Variants in SLA observed in about 807,000 individuals in gnomAD.
SLA encodes the protein src-like-adapter.
Under a neutral mutation model 30.3 loss-of-function variants are expected in SLA, and 16 were observed. That is an observed-to-expected ratio of 0.53 (90% confidence interval 0.36 to 0.80). The LOEUF (loss-of-function observed/expected upper bound fraction) is 0.80, where lower values mean the gene tolerates loss of function less well. SLA is among the 30% of genes least tolerant of loss of function. The pLI is 0.01. For synonymous variants in SLA, 143 were observed against 137.8 expected (o/e 1.04, Z -0.26); for missense variants, 310 against 345.2 (o/e 0.90, Z 0.81).
rs1554706931 is a variant in SLA, at chr8:133,042,709, T to TTTG, written c.484+2274_484+2275insCAA. Among the ~76,000 whole-genome samples the TTTG allele has an allele frequency of 3.5e-4, 49 of 138,676 alleles. 1 individual carries two copies. Among genetic ancestry groups the TTTG allele is most frequent in the African/African-American group, 1.3e-3 (46 of 35,860 alleles). 91.0% of individuals were successfully genotyped at this position (138,676 alleles called of 152,430 possible). On this transcript the variant is annotated intron_variant, in intron 7 of 8. Transcript: ENST00000338087. ...TTTTTTTTTTTTTTTTTTTTTTTTT[T>TTTG]GTGAGATGGAGTCTTGCTCTGCCAC...
intron 2 of SLA, among the ~76,000 whole-genome samples, chr8:133,065,591 G>A (rs988417525): frequency 3.3e-5 from 5 of 151,944 alleles, no homozygotes; most frequent in East Asian, 1.9e-4. Context: ...GAGGAACCCC[G>A]TCTCTACTAA....
chr8:133,102,214 G>A (rs945578469), intron 1 of SLA, among the ~76,000 whole-genome samples: 3 of 152,186 alleles, frequency 2.0e-5, no homozygotes, highest in African/African-American at 4.8e-5. Context: ...AACCACCTCA[G>A]CTGACCTGAG....
At position 133,040,124 on chromosome 8, in the gene SLA, G is replaced by A; in HGVS notation, c.491C>T (p.Ala164Val). ...GGTGAGCACACAGCACAGGCCATCA[G>A]CCACCTCTGAGGAGGGAAGCAGACA... ...EDLVNHYSEV[A>V]DGLCCVLTTP... Residue 164 changes from alanine to valine, a missense_variant, in exon 8 of 9, where the codon GCT (alanine) becomes GTT (valine). By Grantham distance (64) the Ala-to-Val change is moderately conservative. Coordinates refer to ENST00000338087, the MANE Select transcript of SLA (RefSeq NM_001045556.3). 6.3e-7 allele frequency: 1 copy of A among 1,577,890 alleles called. No homozygotes were observed. The highest frequency in any genetic ancestry group is 1.2e-5 in the South Asian group (1 of 85,838).
intron 7 of SLA, among the ~76,000 whole-genome samples, chr8:133,040,635 A>G (rs1041055138): frequency 1.3e-5 from 2 of 152,038 alleles, no homozygotes; most frequent in African/African-American, 4.8e-5. Flanking sequence ...GACTAAATAG[A>G]TCTCTAGGAA....
At chr8:133,082,801 C>T (rs1845955221) in intron 1 of SLA, among the ~76,000 whole-genome samples, 1 of 151,428 alleles carries the variant, frequency 6.6e-6, no homozygotes, top group Non-Finnish European at 1.5e-5. Context: ...TCTATGATGC[C>T]TTAATACTTT....
intron 8 of SLA, among the ~76,000 whole-genome samples, chr8:133,039,712 C>T (rs1382219024): frequency 1.3e-5 from 2 of 152,178 alleles, no homozygotes; most frequent in Non-Finnish European, 2.9e-5. Context: ...TGGTATATTT[C>T]AGCTAGAATG....
At chr8:133,083,301 A>C (rs1846025123) in intron 1 of SLA, among the ~76,000 whole-genome samples, 1 of 152,204 alleles carries the variant, frequency 6.6e-6, no homozygotes. Flanking sequence ...AACTCTTTGA[A>C]ATATCAATTG....
Position 133,102,553 on chromosome 8 carries a change from C to T in SLA, c.-319G>A, listed in dbSNP as rs1280564513. 38 of 1,551,578 alleles carry T rather than the reference C, an allele frequency of 2.4e-5. No homozygotes were observed. Among genetic ancestry groups the T allele is most frequent in the Middle Eastern group, 1.7e-4 (1 of 5,992 alleles). ...AATGACAGCAAAGTTAGCAACCTAC[C>T]GGTGGAGCATCAGGGCTGCCTGAGA... On this transcript the variant is annotated splice_region_variant and 5_prime_UTR_variant, in exon 1 of 9. Coordinates refer to ENST00000338087, the MANE Select transcript of SLA (RefSeq NM_001045556.3).
At chr8:133,092,720 C>T (rs1039602813) in intron 1 of SLA, among the ~76,000 whole-genome samples, 2 of 152,160 alleles carry the variant, frequency 1.3e-5, no homozygotes, top group Non-Finnish European at 1.5e-5. Context: ...CCCATGCTCT[C>T]TACACACCTC....
At chr8:133,098,034 A>G (rs1000264) in intron 1 of SLA, among the ~76,000 whole-genome samples, 69,866 of 151,906 alleles carry the variant, frequency 0.46, 16,312 homozygotes, top group Middle Eastern at 0.49. Context: ...CAGCCAGGGC[A>G]AAATACCTTT....
At chr8:133,082,873 G>A (rs1845967793) in intron 1 of SLA, among the ~76,000 whole-genome samples, 1 of 152,092 alleles carries the variant, frequency 6.6e-6, no homozygotes, top group South Asian at 2.1e-4. Flanking sequence ...TATGCTGATA[G>A]CAATTTGCCA....
chr8:133,063,197 T>G (rs758191938), intron 2 of SLA, among the ~76,000 whole-genome samples: 1 of 151,922 alleles, frequency 6.6e-6, no homozygotes, highest in Non-Finnish European at 1.5e-5. Context: ...CAACTGTCAT[T>G]CAACACCTAG....
intron 1 of SLA, among the ~76,000 whole-genome samples, chr8:133,075,832 A>C (rs1844780352): frequency 6.6e-6 from 1 of 152,078 alleles, no homozygotes; most frequent in Non-Finnish European, 1.5e-5. Flanking sequence ...AACGGGACAA[A>C]ATGTTAATAC....
At chr8:133,057,914 C>G (rs966977509) in intron 3 of SLA, among the ~76,000 whole-genome samples, 8 of 152,168 alleles carry the variant, frequency 5.3e-5, no homozygotes, top group Admixed American at 1.3e-4. Flanking sequence ...CTGGGTGATC[C>G]TTGTGCACGG....
Position 133,055,956 on chromosome 8 carries a change from T to C in SLA, c.61+4144A>G, listed in dbSNP as rs528579054. ...GAAGTCCTCACGCCTCCCTGTGAGG[T>C]TGATAGATTGAAACTACCTTATTTT... On this transcript the variant is annotated intron_variant, in intron 3 of 8. Transcript: ENST00000338087. 4.6e-5 allele frequency among the ~76,000 whole-genome samples: 7 copies of C among 152,086 alleles called. No individual in the cohort carries two copies. In the East Asian group the frequency reaches 1.2e-3, roughly 25 times the overall value.
chr8:133,091,771 T>C (rs116728896), intron 1 of SLA, among the ~76,000 whole-genome samples: 1,648 of 152,238 alleles, frequency 0.011, 22 homozygotes, highest in African/African-American at 0.037. Flanking sequence ...TGGATGTTTC[T>C]GTGACTGTGT....
intron 2 of SLA, chr8:133,072,796 C>T (rs1028953126): frequency 1.3e-5 from 2 of 152,038 alleles, no homozygotes; most frequent in Non-Finnish European, 2.9e-5. Context: ...AAGTGTTATT[C>T]GGAAAGCGAC....
intron 1 of SLA, among the ~76,000 whole-genome samples, chr8:133,093,058 T>C (rs1318413138): frequency 6.6e-6 from 1 of 152,210 alleles, no homozygotes; most frequent in East Asian, 1.9e-4. Context: ...TGGGCCCTTC[T>C]GCTGTTTGCT....
At chr8:133,096,808 T>C in intron 1 of SLA, among the ~76,000 whole-genome samples, 1 of 152,186 alleles carries the variant, frequency 6.6e-6, no homozygotes, top group Non-Finnish European at 1.5e-5. Flanking sequence ...GGCTTCCAAG[T>C]TAAATTTCCT....
Sources: allele counts gnomAD v4.1 joint callset (sites outside exome capture counted in the v4.1 genomes callset), GRCh38; gene constraint gnomAD v4.1.1; transcripts MANE v1.5; gene names NCBI Gene and HGNC (gene_info 2026-07-23, HGNC 2026-07-21).